Variants in NFATC3 observed in about 807,000 individuals in gnomAD.
The protein encoded by NFATC3 is nuclear factor of activated T cells 3.
Under a neutral mutation model 98.6 loss-of-function variants are expected in NFATC3, and 46 were observed. The observed-to-expected ratio is 0.47, with a 90% CI of 0.37 to 0.60. The LOEUF (loss-of-function observed/expected upper bound fraction) is 0.60, where lower values mean the gene tolerates loss of function less well. Ranked by LOEUF, NFATC3 falls within the 20% of genes least tolerant of loss-of-function variation. The pLI is 0.00. For synonymous variants in NFATC3, 512 were observed against 472.2 expected, an observed-to-expected ratio of 1.08 and a Z score of -1.09; for missense variants, 1,256 against 1,295.5, an observed-to-expected ratio of 0.97 and a Z score of 0.47.
intron 9 of NFATC3, among the ~76,000 whole-genome samples, chr16:68,222,481 C>G (rs2041909805): frequency 6.6e-6 from 1 of 151,956 alleles, no homozygotes. Flanking sequence ...GAAATTATTG[C>G]CTTTGGAAGT....
chr16:68,195,539 T>C (rs2040627588), intron 9 of NFATC3, among the ~76,000 whole-genome samples: 1 of 151,950 alleles, frequency 6.6e-6, no homozygotes, highest in African/African-American at 2.4e-5. Flanking sequence ...CTGGGCGCAG[T>C]GGCTCATGCC....
At chr16:68,128,148 C>T (rs954331412) in intron 3 of NFATC3, among the ~76,000 whole-genome samples, 4 of 151,450 alleles carry the variant, frequency 2.6e-5, no homozygotes, top group Non-Finnish European at 4.4e-5. Context: ...ATTTTTCTCT[C>T]GTCTTAATGG....
At chr16:68,169,004 C>T (rs557995286) in intron 5 of NFATC3, among the ~76,000 whole-genome samples, 15 of 152,240 alleles carry the variant, frequency 9.9e-5, no homozygotes, top group African/African-American at 3.1e-4. Flanking sequence ...AAGCTGGTCT[C>T]GAACTCCTGG....
chr16:68,149,053 T>G (rs905643810), intron 3 of NFATC3, among the ~76,000 whole-genome samples: 2 of 152,162 alleles, frequency 1.3e-5, no homozygotes, highest in Admixed American at 6.5e-5. Flanking sequence ...AGATGTTTCT[T>G]TCCTGTGTGG....
rs772086008 is a variant in NFATC3, at chr16:68,226,446, A to G, written c.3203A>G (p.Asp1068Gly). The G allele has an allele frequency of 2.6e-6, 4 of 1,557,242 alleles. No homozygotes were observed. In the South Asian group the frequency reaches 3.6e-5, roughly 14 times the overall value. ...QAPLPSPESL[D>G]LGRSDGL is the part of the protein sequence containing the mutation. ...CCCCTCCCGAGTCCTGAGTCCCTGG[A>G]TTTAGGAAGATCTGATGGGCTCTAA... The change falls in exon 10 of 10, where the codon GAT (aspartate) becomes GGT (glycine). Residue 1068 changes from aspartate (D) to glycine (G), a missense_variant. Physicochemically the swap from Asp to Gly is moderately conservative, Grantham distance 94. This residue lies in a region of NFATC3 where 636 missense variants were observed against 617.3 expected (regional missense o/e 1.03). Transcript: ENST00000346183.
chr16:68,158,658 C>G (rs374406740), intron 4 of NFATC3, among the ~76,000 whole-genome samples: 24 of 152,218 alleles, frequency 1.6e-4, no homozygotes, highest in African/African-American at 5.1e-4. Flanking sequence ...GGGCCCCAAG[C>G]AAGTTTTTTC....
intron 3 of NFATC3, among the ~76,000 whole-genome samples, chr16:68,127,065 G>T (rs6499160): frequency 0.22 from 32,889 of 151,636 alleles, 4,115 homozygotes; most frequent in African/African-American, 0.33. Flanking sequence ...ATACAAAAAT[G>T]AGCAGGGCGT....
At chr16:68,107,269 G>A (rs980028948) in intron 1 of NFATC3, among the ~76,000 whole-genome samples, 5 of 152,138 alleles carry the variant, frequency 3.3e-5, no homozygotes, top group Non-Finnish European at 7.4e-5. Context: ...CCCAGTAATG[G>A]GATTGCTAGG....
At chr16:68,222,227 G>A (rs1012355474) in intron 9 of NFATC3, among the ~76,000 whole-genome samples, 3 of 135,200 alleles carry the variant, frequency 2.2e-5, no homozygotes, top group African/African-American at 8.2e-5. Context: ...GATCAAGGCT[G>A]CAGTGAGCCG....
chr16:68,190,113 T>TA, intron 8 of NFATC3, among the ~76,000 whole-genome samples: 1 of 152,376 alleles, frequency 6.6e-6, no homozygotes, highest in South Asian at 2.1e-4. Flanking sequence ...AAATATAACT[T>TA]ACTATTTTTG....
At chr16:68,106,958 C>G (rs2151474012) in intron 1 of NFATC3, among the ~76,000 whole-genome samples, 1 of 152,042 alleles carries the variant, frequency 6.6e-6, no homozygotes, top group East Asian at 1.9e-4. Context: ...TGTTCCCCTC[C>G]CTGTGTCCAT....
rs531707599 is a variant in NFATC3, at chr16:68,128,723, A to C, written c.1401+2113A>C. Among the ~76,000 whole-genome samples the C allele has an allele frequency of 2.0e-5, 3 of 152,314 alleles. No homozygotes were observed. The South Asian group carries it at 6.2e-4, about 32-fold the overall frequency. On this transcript the variant is annotated intron_variant, in intron 3 of 9. Transcript: ENST00000346183. Reference sequence around the variant, plus strand: ...CAGCTACTGGGGAGGCTGAGGCTTAAGGATCGCTTGAGGCCAGGAATTCAG... The same window carrying C: ...CAGCTACTGGGGAGGCTGAGGCTTACGGATCGCTTGAGGCCAGGAATTCAG...
chr16:68,122,884 C>T lies in NFATC3; in HGVS notation c.1001C>T (p.Thr334Ile), dbSNP rs916728716. 11 of 1,614,180 alleles carry T rather than the reference C, an allele frequency of 6.8e-6. No homozygotes were observed. The Middle Eastern group carries it at 1.6e-3, about 242-fold the overall frequency. ...TTTCCATTTCAGTACTGTGTAGAGACTGACATCCCTCTCAAAACAAGGAAA... is the reference window on the plus strand; with the variant it reads ...TTTCCATTTCAGTACTGTGTAGAGATTGACATCCCTCTCAAAACAAGGAAA... ...AVFPFQYCVETDIPLKTRKTS... is the reference protein window; with the variant it reads ...AVFPFQYCVEIDIPLKTRKTS... The change falls in exon 2 of 10, where the codon ACT becomes ATT. Residue 334 changes from threonine to isoleucine, a missense_variant. Physicochemically the swap from Thr to Ile is moderately conservative, Grantham distance 89 (BLOSUM62 -1). This residue lies in a region of NFATC3 where 464 missense variants were observed against 465.7 expected (regional missense o/e 1.00). Transcript: ENST00000346183.
intron 9 of NFATC3, among the ~76,000 whole-genome samples, chr16:68,208,442 G>A (rs754977891): frequency 6.6e-6 from 1 of 152,052 alleles, no homozygotes; most frequent in African/African-American, 2.4e-5. Context: ...TGGGCACAGC[G>A]GCTCACACTT....
intron 9 of NFATC3, among the ~76,000 whole-genome samples, chr16:68,194,590 C>T (rs1337387918): frequency 6.6e-6 from 1 of 152,214 alleles, no homozygotes; most frequent in Non-Finnish European, 1.5e-5. Context: ...CTTCACATTG[C>T]TTTTTACCCT....
At position 68,226,895 on chromosome 16, in the gene NFATC3, A is replaced by G. The variant is rs2042046173; in HGVS notation, c.*424A>G. On this transcript the variant is annotated 3_prime_UTR_variant, in exon 10 of 10. Coordinates refer to ENST00000346183, the MANE Select transcript of NFATC3 (RefSeq NM_173165.3). ...GGAACTTTTGATAAGACCTTCTAGA[A>G]GCAAAAAAAAAAAAAAAAAAAAAAA... is the stretch of plus-strand genomic sequence containing the variant. 7 of 117,164 alleles carry G rather than the reference A, an allele frequency of 6.0e-5. No homozygotes were observed. The South Asian group carries it at 1.8e-3, about 29-fold the overall frequency. The allele number at this position is 117,164 out of a possible 1,614,324, so 7.3% of individuals were successfully genotyped here.
chr16:68,203,016 A>G (rs1350103403), intron 9 of NFATC3, among the ~76,000 whole-genome samples: 1 of 152,138 alleles, frequency 6.6e-6, no homozygotes, highest in African/African-American at 2.4e-5. Context: ...TACATGTACT[A>G]TACAGCCTCA....
chr16:68,181,132 G>T (rs1000949484), intron 6 of NFATC3, among the ~76,000 whole-genome samples: 1 of 152,162 alleles, frequency 6.6e-6, no homozygotes, highest in African/African-American at 2.4e-5. Context: ...CAGTGTAAAA[G>T]TGTTCCTATT....
At chr16:68,197,141 GC>G (rs1193554495) in intron 9 of NFATC3, among the ~76,000 whole-genome samples, 1 of 151,914 alleles carries the variant, frequency 6.6e-6, no homozygotes, top group African/African-American at 2.4e-5. Context: ...ATGAAATCTT[GC>G]TAAACTGCCC....
Sources: gnomAD v4.1 joint callset for allele counts (sites outside exome capture counted in the v4.1 genomes callset) on GRCh38, gnomAD v4.1.1 for gene constraint, gnomAD v4.1.1 regional missense constraint, MANE v1.5 for transcripts, NCBI Gene and HGNC (gene_info 2026-07-23, HGNC 2026-07-21) for gene names.